Variants in ZNF618 observed in about 807,000 individuals in gnomAD.
The protein encoded by ZNF618 is zinc finger protein 618.
In ZNF618, 34 loss-of-function variants were observed where a neutral mutation model predicts 103.0. The ratio of observed to expected loss-of-function variants is 0.33; its 90% CI spans 0.25 to 0.44. The LOEUF is 0.44. Ranked by LOEUF, ZNF618 falls within the 20% of genes least tolerant of loss-of-function variation. ZNF618 has a pLI of 1.00. For missense variants in ZNF618, 1,059 were observed against 1,295.4 expected (o/e 0.82, Z 2.80); for synonymous variants, 551 against 542.2 (o/e 1.02, Z -0.23).
At chr9:113,878,073 T>G (rs1828126769) in intron 1 of ZNF618, among the ~76,000 whole-genome samples, 1 of 152,074 alleles carries the variant, frequency 6.6e-6, no homozygotes, top group South Asian at 2.1e-4. Context: ...CAGGCCTCTT[T>G]GATTGTGATG....
chr9:114,012,541 A>G (rs1320502260), intron 9 of ZNF618, among the ~76,000 whole-genome samples: 1 of 152,230 alleles, frequency 6.6e-6, no homozygotes, highest in Non-Finnish European at 1.5e-5. Flanking sequence ...AGTTCAGTCC[A>G]TAGCATGACC....
At chr9:114,022,369 A>T (rs1324562619) in intron 10 of ZNF618, among the ~76,000 whole-genome samples, 2 of 152,100 alleles carry the variant, frequency 1.3e-5, no homozygotes, top group African/African-American at 4.8e-5. Flanking sequence ...TATACAATTC[A>T]ACAGTTAAGC....
intron 10 of ZNF618, among the ~76,000 whole-genome samples, chr9:114,024,781 C>T (rs1382627833): frequency 6.6e-6 from 1 of 151,648 alleles, no homozygotes. Context: ...TGCGGAGACT[C>T]ATCTGCACAA....
intron 1 of ZNF618, among the ~76,000 whole-genome samples, chr9:113,938,751 G>A (rs1321871324): frequency 6.6e-6 from 1 of 151,742 alleles, no homozygotes; most frequent in Non-Finnish European, 1.5e-5. Context: ...TGTATTTTTA[G>A]TAGAGACGGG....
chr9:113,886,720 G>A (rs984994600), intron 1 of ZNF618, among the ~76,000 whole-genome samples: 6 of 151,852 alleles, frequency 4.0e-5, no homozygotes, highest in Non-Finnish European at 5.9e-5. Flanking sequence ...GAGGGGTCTA[G>A]AGCTATAAGG....
intron 1 of ZNF618, among the ~76,000 whole-genome samples, chr9:113,947,659 C>T (rs564906350): frequency 6.6e-6 from 1 of 152,250 alleles, no homozygotes; most frequent in South Asian, 2.1e-4. Context: ...CTTCGGGAGA[C>T]CCCTTGGGAT....
At chr9:113,951,442 C>CACAT (rs1835642261) in intron 1 of ZNF618, among the ~76,000 whole-genome samples, 3 of 49,266 alleles carry the variant, frequency 6.1e-5, no homozygotes, top group African/African-American at 2.5e-4. Context: ...TATATATATA[C>CACAT]ATATATGTGT....
chr9:114,014,643 A>T (rs1243372154), intron 9 of ZNF618, among the ~76,000 whole-genome samples: 1 of 152,274 alleles, frequency 6.6e-6, no homozygotes, highest in Non-Finnish European at 1.5e-5. Context: ...CTGACAAATT[A>T]TCAAATTATT....
intron 1 of ZNF618, among the ~76,000 whole-genome samples, chr9:113,882,144 G>A (rs2130816878): frequency 6.6e-6 from 1 of 152,304 alleles, no homozygotes; most frequent in African/African-American, 2.4e-5. Context: ...CAAAAACATG[G>A]CATCAGCAGG....
rs570571104 is a variant in ZNF618 at position 114,035,430 on chromosome 9, C to T, written c.1169-870C>T. Among the ~76,000 whole-genome samples, 5 of 152,332 alleles carry T rather than the reference C, an allele frequency of 3.3e-5. No individual in the cohort carries two copies. In the East Asian group the frequency reaches 9.7e-4, roughly 29 times the overall value. ...GTGGAGCAGTTTGGACGGGGTGGGG[C>T]AGAGCCCTGACCAGCAGCAGCCTTG... On this transcript the variant is annotated intron_variant, in intron 12 of 14. Coordinates refer to ENST00000374126, the MANE Select transcript of ZNF618 (RefSeq NM_001318042.2).
intron 3 of ZNF618, among the ~76,000 whole-genome samples, chr9:113,992,783 C>T (rs372334768): frequency 1.1e-4 from 17 of 152,172 alleles, no homozygotes; most frequent in Admixed American, 5.9e-4. Flanking sequence ...TGGGGGAGCC[C>T]GGGTCATGGA....
At chr9:114,029,298 A>C (rs1418251270) in intron 11 of ZNF618, among the ~76,000 whole-genome samples, 1 of 152,196 alleles carries the variant, frequency 6.6e-6, no homozygotes, top group Non-Finnish European at 1.5e-5. Flanking sequence ...AGGTTTAAAA[A>C]ATTTTTTAGT....
At position 113,999,457 on chromosome 9, in the gene ZNF618, C is replaced by T. The variant is rs535171564; in HGVS notation, c.433+1103C>T. Among the ~76,000 whole-genome samples the T allele has an allele frequency of 2.6e-4, 40 of 152,282 alleles. No individual in the cohort carries two copies. In the South Asian group the frequency reaches 5.6e-3, roughly 21 times the overall value. On this transcript the variant is annotated intron_variant, in intron 4 of 14. Transcript: ENST00000374126. Reference sequence around the variant, plus strand: ...CACACAGTGCTCAGTCCAGAGACTCCGTGTGCCAGACAGGCTGCCTCACTC... The same window carrying T: ...CACACAGTGCTCAGTCCAGAGACTCTGTGTGCCAGACAGGCTGCCTCACTC...
intron 3 of ZNF618, among the ~76,000 whole-genome samples, chr9:113,996,001 A>G (rs528238464): frequency 6.6e-6 from 1 of 152,270 alleles, no homozygotes; most frequent in Admixed American, 6.5e-5. Flanking sequence ...GAAAGAACAC[A>G]TTTAGAAGCT....
chr9:113,892,259 A>G (rs946330124), intron 1 of ZNF618, among the ~76,000 whole-genome samples: 3 of 152,190 alleles, frequency 2.0e-5, no homozygotes, highest in African/African-American at 7.2e-5. Flanking sequence ...GTGTATTTGC[A>G]TAGAACTACG....
rs749820989 is a variant in ZNF618 at position 113,984,513 on chromosome 9, C to A, written c.78-3808C>A. Among the ~76,000 whole-genome samples the A allele has an allele frequency of 1.4e-4, 22 of 152,222 alleles. 1 individual carries two copies. Among genetic ancestry groups the A allele is most frequent in the Admixed American group, 7.8e-4 (12 of 15,288 alleles). On this transcript the variant is annotated intron_variant, in intron 2 of 14. Transcript: ENST00000374126. ...TGGGCAGATGAGAGTTCCACCCAGC[C>A]TGCCTGGCTCCTACAGCTCCTCCCT...
chr9:114,005,346 A>C (rs1841640832), intron 6 of ZNF618, among the ~76,000 whole-genome samples: 1 of 152,148 alleles, frequency 6.6e-6, no homozygotes, highest in Non-Finnish European at 1.5e-5. Flanking sequence ...TTTGGGGATA[A>C]CCCTCTTGGC....
In ZNF618 at chr9:113,899,911, T is replaced by C. The variant is rs537699507; in HGVS notation, c.33+23498T>C. On this transcript the variant is annotated intron_variant, in intron 1 of 14. Coordinates refer to ENST00000374126, the MANE Select transcript of ZNF618 (RefSeq NM_001318042.2). ...ATCAGTTGCTTCCACCTTTTGGCTG[T>C]TATGAATGATGTTGCTATGAACATG... Among the ~76,000 whole-genome samples, 3 of 152,336 alleles carry C rather than the reference T, an allele frequency of 2.0e-5. No individual in the cohort carries two copies. The South Asian group carries it at 6.2e-4, about 32-fold the overall frequency.
At chr9:113,941,868 T>C (rs1323430174) in intron 1 of ZNF618, among the ~76,000 whole-genome samples, 1 of 152,186 alleles carries the variant, frequency 6.6e-6, no homozygotes, top group Non-Finnish European at 1.5e-5. Flanking sequence ...TGAGTGAATA[T>C]TGGGTCTTCA....
Sources: allele counts gnomAD v4.1 joint callset (sites outside exome capture counted in the v4.1 genomes callset), GRCh38; gene constraint gnomAD v4.1.1; transcripts MANE v1.5; gene names NCBI Gene and HGNC (gene_info 2026-07-23, HGNC 2026-07-21).